The following TTN variants were observed in gnomAD, a reference collection of about 807,000 sequenced individuals.
TTN encodes the protein connectin.
Under a neutral mutation model 3,223.0 loss-of-function variants are expected in TTN, and 1,525 were observed. That is an observed-to-expected ratio of 0.47 (90% CI 0.45 to 0.49). The LOEUF (loss-of-function observed/expected upper bound fraction) is 0.49, where lower values mean the gene tolerates loss of function less well. Among genes scored for constraint, TTN ranks in the 20% least tolerant of loss-of-function variants. The pLI is 0.00. For synonymous variants in TTN, 14,094 were observed against 15,161.0 expected, an observed-to-expected ratio of 0.93 and a Z score of 5.17; for missense variants, 40,786 against 43,424.0, an observed-to-expected ratio of 0.94 and a Z score of 5.40.
At position 178,552,461 on chromosome 2, in the gene TTN, G is replaced by A; in HGVS notation, c.90439C>T (p.His30147Tyr). The A allele has an allele frequency of 6.2e-7, 1 of 1,609,398 alleles. No individual in the cohort carries two copies. Among genetic ancestry groups the A allele is most frequent in the Non-Finnish European group, 8.5e-7 (1 of 1,176,326 alleles). ...PGAQVTVRIG[H>Y]NVHLELPYKG... The stretch of plus-strand genomic sequence containing the variant: ...TAAGGTAATTCAAGGTGCACATTGT[G>A]CCCAATTCTCACAGTGACTTGTGCC... Residue 30147 changes from histidine to tyrosine, a missense_variant, in exon 335 of 363, where the codon CAC (histidine) becomes TAC (tyrosine). Physicochemically the swap from His to Tyr is moderately conservative, Grantham distance 83. Coordinates refer to ENST00000589042, the MANE Select transcript of TTN (RefSeq NM_001267550.2).
chr2:178,671,474 G>C (rs1011593116), intron 155 of TTN, among the ~76,000 whole-genome samples: 2 of 151,724 alleles, frequency 1.3e-5, no homozygotes, highest in Admixed American at 1.3e-4. Context: ...CAGTATGCTA[G>C]AATACAGGTG....
At chr2:178,779,176 C>A in intron 23 of TTN, 53 bp downstream of exon 23, 2 of 1,612,766 alleles carry the variant, frequency 1.2e-6, no homozygotes, top group Non-Finnish European at 1.7e-6. Context: ...TATATTTTAA[C>A]CAATTTGTAT....
In TTN at chr2:178,543,158, T is replaced by C; in HGVS notation, c.96815A>G (p.Gln32272Arg). 6.2e-7 allele frequency: 1 copy of C among 1,613,554 alleles called. No homozygotes were observed. The highest frequency in any genetic ancestry group is 8.5e-7 in the Non-Finnish European group (1 of 1,179,560). Residue 32272 changes from glutamine (Q) to arginine (R), a missense_variant, in exon 347 of 363, where the codon CAA (glutamine) becomes CGA (arginine). Coordinates refer to ENST00000589042, the MANE Select transcript of TTN (RefSeq NM_001267550.2). Reference sequence around the variant, plus strand: ...TTGTGCCCTTATTCTAAATAAGTATTGTTCACCTTCATTTAAGGAAGTAAC... The same window carrying C: ...TTGTGCCCTTATTCTAAATAAGTATCGTTCACCTTCATTTAAGGAAGTAAC... Reference protein sequence around the residue: ...HTVTSLNEGEQYLFRIRAQNE... With the variant: ...HTVTSLNEGERYLFRIRAQNE...
At chr2:178,704,800 C>T in intron 104 of TTN, 23 bp from the exon 105 acceptor site, 5 of 1,606,312 alleles carry the variant, frequency 3.1e-6, no homozygotes, top group Non-Finnish European at 3.4e-6. Flanking sequence ...AGAATTAAAA[C>T]ACATTTGTTA....
chr2:178,625,904 A>C (rs1355218665), intron 240 of TTN, among the ~76,000 whole-genome samples: 2 of 151,962 alleles, frequency 1.3e-5, no homozygotes, highest in Non-Finnish European at 2.9e-5. Flanking sequence ...ACCTTTATAT[A>C]ATTACTAGGT....
rs398124463 is a variant in TTN, at chr2:178,532,034, G to A, written c.104581C>T (p.Arg34861Cys). Reference sequence around the variant, plus strand: ...TCGTATTCCTCAGCCGGTTGTGGACGTGACCGGATCAGCTCAGACACTGGC... The same window carrying A: ...TCGTATTCCTCAGCCGGTTGTGGACATGACCGGATCAGCTCAGACACTGGC... ...MRPVSELIRS[R>C]PQPAEEYEDD... The change falls in exon 358 of 363, where the codon CGT (arginine) becomes TGT (cysteine). Residue 34861 changes from arginine (R) to cysteine (C), a missense_variant. Physicochemically the swap from Arg to Cys is radical, Grantham distance 180 (BLOSUM62 -3). Transcript: ENST00000589042. The A allele has an allele frequency of 2.2e-5, 35 of 1,613,784 alleles. No individual in the cohort carries two copies. The highest frequency in any genetic ancestry group is 4.5e-5 in the East Asian group (2 of 44,878).
intron 46 of TTN, among the ~76,000 whole-genome samples, chr2:178,755,459 G>A (rs757740568): frequency 4.6e-5 from 7 of 152,038 alleles, no homozygotes; most frequent in Admixed American, 2.0e-4. Flanking sequence ...TTTTGGAGAT[G>A]GAGTCTAGTT....
In TTN at chr2:178,528,390, C is replaced by T. The variant is rs1687469924; in HGVS notation, c.107261G>A (p.Arg35754Lys). 1.2e-6 allele frequency: 2 copies of T among 1,613,948 alleles called. No individual in the cohort carries two copies. Among genetic ancestry groups the T allele is most frequent in the Non-Finnish European group, 1.7e-6 (2 of 1,179,860 alleles). ...TCGGATTTCAAGGGAGTATACATTT[C>T]TGGAGCGGCTTATGCTGACATTTGA... Reference protein sequence around the residue: ...ISSNVSISRSRNVYSLEIRNA... With the variant: ...ISSNVSISRSKNVYSLEIRNA... The change falls in exon 361 of 363, where the codon AGA (arginine) becomes AAA (lysine). Residue 35754 changes from arginine to lysine, a missense_variant. Transcript: ENST00000589042.
Position 178,711,105 on chromosome 2 carries a change from G to T in TTN, c.28131C>A (p.Asn9377Lys), listed in dbSNP as rs72648997. 8 of 1,613,258 alleles carry T rather than the reference G, an allele frequency of 5.0e-6. No homozygotes were observed. The African/African-American group carries it at 1.1e-4, about 22-fold the overall frequency. ...CACTGGAAGAAGCAGAGCCTATAGG[G>T]TTTGTAGCTGTGCAGGAATACTGGC... Reference protein sequence around the residue: ...LAGQYSCTATNPIGSASSSAR... With the variant: ...LAGQYSCTATKPIGSASSSAR... The change falls in exon 97 of 363, where the codon AAC becomes AAA. Residue 9377 changes from asparagine (N) to lysine (K), a missense_variant. Asn to Lys is a moderately conservative substitution (Grantham distance 94). Coordinates refer to ENST00000589042, the MANE Select transcript of TTN (RefSeq NM_001267550.2).
chr2:178,603,835 G>A, intron 282 of TTN, 41 bp downstream of exon 282: 1 of 1,511,754 alleles, frequency 6.6e-7, no homozygotes, highest in Non-Finnish European at 8.9e-7. Flanking sequence ...TAGTGACTTT[G>A]TGCTTTAGAA....
In TTN at chr2:178,571,313, A is replaced by G; in HGVS notation, c.74819T>C (p.Val24940Ala). 6.2e-7 allele frequency: 1 copy of G among 1,613,328 alleles called. No homozygotes were observed. The highest frequency in any genetic ancestry group is 8.5e-7 in the Non-Finnish European group (1 of 1,179,568). Residue 24940 changes from valine (V) to alanine (A), a missense_variant, in exon 326 of 363, where the codon GTC becomes GCC. Transcript: ENST00000589042. ...NEPISDGGSR[V>A]IGYHLERKER... ...CTTGCGTTCTAGATGATAGCCAATG[A>G]CTCTACTTCCTCCATCACTGATTGG...
rs1457005566 is a variant in TTN at position 178,774,473 on chromosome 2, C to T, written c.6791G>A (p.Gly2264Asp). The T allele has an allele frequency of 2.5e-6, 4 of 1,611,980 alleles. No individual in the cohort carries two copies. Among genetic ancestry groups the T allele is most frequent in the Non-Finnish European group, 3.4e-6 (4 of 1,179,848 alleles). ...TTCTTTCACAAACTCAACAACTGCACCTGAAGTGTATAACAGAAAGATAAA... is the reference window on the plus strand; with the variant it reads ...TTCTTTCACAAACTCAACAACTGCATCTGAAGTGTATAACAGAAAGATAAA... ...VKTTAKLIVE[G>D]AVVEFVKELQ... Residue 2264 changes from glycine to aspartate, a missense_variant and splice_region_variant, in exon 30 of 363, where the codon GGT (glycine) becomes GAT (aspartate). Gly to Asp is a moderately conservative substitution (Grantham distance 94, BLOSUM62 -1). Transcript: ENST00000589042.
rs1377533598 is a variant in TTN, at chr2:178,559,473, C to T, written c.86659G>A (p.Ala28887Thr). ...VKNYHIEKREASKKAWVSVTN... is the reference protein window; with the variant it reads ...VKNYHIEKRETSKKAWVSVTN... ...ACAGAGACCCATGCTTTCTTGCTGG[C>T]CTCACGTTTTTCTATGTGGTAATTC... The change falls in exon 326 of 363, where the codon GCC becomes ACC. Residue 28887 changes from alanine to threonine, a missense_variant. By Grantham distance (58) the Ala-to-Thr change is moderately conservative. Transcript: ENST00000589042. 2.5e-6 allele frequency: 4 copies of T among 1,613,728 alleles called. No individual in the cohort carries two copies. Among genetic ancestry groups the T allele is most frequent in the Non-Finnish European group, 3.4e-6 (4 of 1,179,730 alleles).
At chr2:178,587,031 C>G (rs1182646348) in intron 307 of TTN, 87 bp downstream of exon 307, 2 of 1,529,168 alleles carry the variant, frequency 1.3e-6, no homozygotes, top group East Asian at 4.5e-5. Context: ...AAATCTCTTT[C>G]AGAAGTGGAT....
Position 178,750,750 on chromosome 2 carries a change from CA to C in TTN, c.11311+2373del, listed in dbSNP as rs772632040. On this transcript the variant is annotated intron_variant, in intron 47 of 362. Transcript: ENST00000589042. Reference sequence around the variant, plus strand: ...CTTTCTTCAACATTTACAAGTGTACCAAAAGATTCGCTGGCATGTGGTGTAA... The same window carrying C: ...CTTTCTTCAACATTTACAAGTGTACCAAAGATTCGCTGGCATGTGGTGTAA... 4.3e-6 allele frequency: 7 copies of C among 1,612,744 alleles called. No individual in the cohort carries two copies. The East Asian group carries it at 1.3e-4, about 31-fold the overall frequency.
At position 178,574,935 on chromosome 2, in the gene TTN, G is replaced by T; in HGVS notation, c.71197C>A (p.Pro23733Thr). 6.2e-7 allele frequency: 1 copy of T among 1,612,928 alleles called. No individual in the cohort carries two copies. Among genetic ancestry groups the T allele is most frequent in the Non-Finnish European group, 8.5e-7 (1 of 1,179,426 alleles). The part of the protein sequence containing the change: ...VHDIPGPPTG[P>T]IKFDEVSSDF... ...GATGAAACTTCATCAAATTTGATTGGTCCAGTAGGTGGCCCTGGGATATCA... is the reference window on the plus strand; with the variant it reads ...GATGAAACTTCATCAAATTTGATTGTTCCAGTAGGTGGCCCTGGGATATCA... Residue 23733 changes from proline to threonine, a missense_variant, in exon 326 of 363, where the codon CCA becomes ACA. By Grantham distance (38) the Pro-to-Thr change is conservative (BLOSUM62 -1). Coordinates refer to ENST00000589042, the MANE Select transcript of TTN (RefSeq NM_001267550.2).
At position 178,732,351 on chromosome 2, in the gene TTN, T is replaced by C. The variant is rs2080694790; in HGVS notation, c.16622-4A>G. 6.3e-7 allele frequency: 1 copy of C among 1,590,548 alleles called. No individual in the cohort carries two copies. Among genetic ancestry groups the C allele is most frequent in the Admixed American group, 1.7e-5 (1 of 57,356 alleles). On this transcript the variant is annotated splice_polypyrimidine_tract_variant and splice_region_variant and intron_variant, in intron 56 of 362. Transcript: ENST00000589042. ...TTTTCAACAAATGTGGCAGGTTCTGTGGAAGGAAGGAAGTTATTAAGAAAT... is the reference window on the plus strand; with the variant it reads ...TTTTCAACAAATGTGGCAGGTTCTGCGGAAGGAAGGAAGTTATTAAGAAAT...
chr2:178,683,095 A>C lies in TTN; in HGVS notation c.32887+116T>G, dbSNP rs2154272673. Reference sequence around the variant, plus strand: ...TAGCAATTGTGATTTCAAATGTTATATACCCTGCCCTTAATCAACAATAAG... The same window carrying C: ...TAGCAATTGTGATTTCAAATGTTATCTACCCTGCCCTTAATCAACAATAAG... On this transcript the variant is annotated intron_variant, in intron 134 of 362. Coordinates refer to ENST00000589042, the MANE Select transcript of TTN (RefSeq NM_001267550.2). The C allele has an allele frequency of 9.3e-6, 9 of 964,012 alleles. No individual in the cohort carries two copies. In the South Asian group the frequency reaches 1.3e-4, roughly 14 times the overall value. The allele number at this position is 964,012 out of a possible 1,614,324, so 59.7% of individuals were successfully genotyped here. A position where few individuals can be genotyped will look rare whatever the true frequency, so the allele number is the denominator to read the frequency against.
At chr2:178,716,696 A>T (rs144261015) in intron 88 of TTN, among the ~76,000 whole-genome samples, 1 of 152,264 alleles carries the variant, frequency 6.6e-6, no homozygotes, top group African/African-American at 2.4e-5. Context: ...AGGGCTTGAT[A>T]GTTTGGCTCT....
Sources: allele counts gnomAD v4.1 joint callset (sites outside exome capture counted in the v4.1 genomes callset), GRCh38; gene constraint gnomAD v4.1.1; transcripts MANE v1.5; gene names NCBI Gene and HGNC (gene_info 2026-07-23, HGNC 2026-07-21).